Variants in XRCC4 observed in about 807,000 individuals in gnomAD.
XRCC4 encodes DNA repair protein XRCC4.
In XRCC4, 28 loss-of-function variants were observed where a neutral mutation model predicts 39.1. The ratio of observed to expected loss-of-function variants is 0.72; its 90% confidence interval spans 0.53 to 0.98. The LOEUF (loss-of-function observed/expected upper bound fraction) is 0.98. XRCC4 is among the 50% of genes least tolerant of loss of function. XRCC4 has a pLI of 0.00. For synonymous variants in XRCC4, 123 were observed against 126.4 expected (o/e 0.97, Z 0.18); for missense variants, 350 against 376.4 (o/e 0.93, Z 0.58).
chr5:83,135,223 C>T (rs1210677754), intron 3 of XRCC4, among the ~76,000 whole-genome samples: 1 of 152,130 alleles, frequency 6.6e-6, no homozygotes, highest in African/African-American at 2.4e-5. Flanking sequence ...GTGGGCTGCA[C>T]CCACTGTCTC....
At chr5:83,129,546 A>C (rs1285685623) in intron 3 of XRCC4, among the ~76,000 whole-genome samples, 1 of 151,984 alleles carries the variant, frequency 6.6e-6, no homozygotes, top group Non-Finnish European at 1.5e-5. Flanking sequence ...GATGGCATTG[A>C]ATCTATAAAT....
chr5:83,077,777 T>A (rs1375324157), intron 1 of XRCC4, 162 bp downstream of exon 1: 1 of 166,432 alleles, frequency 6.0e-6, no homozygotes, highest in Non-Finnish European at 1.3e-5. Flanking sequence ...GACTTCCTCT[T>A]GTGGGCTTTT....
In XRCC4 at chr5:83,300,134, A is replaced by G. The variant is rs1323815413; in HGVS notation, c.893+41457A>G. On this transcript the variant is annotated intron_variant, in intron 7 of 7. Transcript: ENST00000396027. Reference sequence around the variant, plus strand: ...AATTATATTAATTTGGGCTGCAAACATATCCAAGTGATTTGCAAACATACT... The same window carrying G: ...AATTATATTAATTTGGGCTGCAAACGTATCCAAGTGATTTGCAAACATACT... Among the ~76,000 whole-genome samples, 4 of 152,328 alleles carry G rather than the reference A, an allele frequency of 2.6e-5. No individual in the cohort carries two copies. The South Asian group carries it at 8.3e-4, about 32-fold the overall frequency.
chr5:83,299,367 A>G (rs938220267), intron 7 of XRCC4, among the ~76,000 whole-genome samples: 1 of 152,080 alleles, frequency 6.6e-6, no homozygotes, highest in Non-Finnish European at 1.5e-5. Context: ...GACATGATAC[A>G]ACAAAATGTA....
chr5:83,106,876 C>T (rs749622180), intron 2 of XRCC4, among the ~76,000 whole-genome samples: 24 of 151,546 alleles, frequency 1.6e-4, no homozygotes, highest in Middle Eastern at 3.2e-3. Flanking sequence ...AACTGGTCTG[C>T]GAAAAAAGAA....
chr5:83,336,989 T>G (rs1314507933), intron 7 of XRCC4, among the ~76,000 whole-genome samples: 2 of 152,212 alleles, frequency 1.3e-5, no homozygotes, highest in Non-Finnish European at 2.9e-5. Context: ...AAATTTCATT[T>G]CTGAGCCAAA....
At chr5:83,113,137 C>G (rs1453742148) in intron 3 of XRCC4, among the ~76,000 whole-genome samples, 1 of 152,212 alleles carries the variant, frequency 6.6e-6, no homozygotes, top group African/African-American at 2.4e-5. Context: ...AATGAGGGTA[C>G]AGGCATTGGG....
Position 83,187,009 on chromosome 5 carries a change from C to T in XRCC4, c.316-8761C>T, listed in dbSNP as rs559242886. 7.0e-3 allele frequency among the ~76,000 whole-genome samples: 311 copies of T among 44,406 alleles called. 76 individuals are homozygous for T. The highest frequency in any genetic ancestry group is 1.0e-2 in the Non-Finnish European group (198 of 19,830). The allele number at this position is 44,406 out of a possible 152,430, so 29.1% of individuals were successfully genotyped here. A position where few individuals can be genotyped will look rare whatever the true frequency, so the allele number is the denominator to read the frequency against. On this transcript the variant is annotated intron_variant, in intron 3 of 7. Coordinates refer to ENST00000396027, the MANE Select transcript of XRCC4 (RefSeq NM_003401.5). ...CCCAGGCTGGAGTGCAGTGGCGCGA[C>T]CTCGGCTCACTGCAAGCTCCGCCTC...
At chr5:83,085,995 A>C (rs1745163750) in intron 1 of XRCC4, among the ~76,000 whole-genome samples, 1 of 152,252 alleles carries the variant, frequency 6.6e-6, no homozygotes, top group Non-Finnish European at 1.5e-5. Flanking sequence ...GCGGACTTCT[A>C]GAAGAAGTTT....
intron 3 of XRCC4, among the ~76,000 whole-genome samples, chr5:83,163,235 C>T (rs780185019): frequency 9.9e-5 from 15 of 152,144 alleles, no homozygotes; most frequent in Non-Finnish European, 1.9e-4. Flanking sequence ...GTGTGAGCCA[C>T]TGCGCCTGGC....
chr5:83,152,524 T>G (rs1197343269), intron 3 of XRCC4, among the ~76,000 whole-genome samples: 4 of 150,824 alleles, frequency 2.7e-5, no homozygotes, highest in African/African-American at 7.3e-5. Flanking sequence ...TCCCAGCTAC[T>G]CAGGAGGCTG....
chr5:83,261,783 T>C (rs1306595972), intron 7 of XRCC4, among the ~76,000 whole-genome samples: 2 of 152,048 alleles, frequency 1.3e-5, no homozygotes, highest in Non-Finnish European at 2.9e-5. Context: ...ATGAATATGA[T>C]TTAGCAATAA....
At chr5:83,358,002 A>T (rs536523833), downstream of XRCC4, among the ~76,000 whole-genome samples, 2 of 152,184 alleles carry the variant, frequency 1.3e-5, no homozygotes, top group Non-Finnish European at 2.9e-5. Context: ...ATTCATTTCA[A>T]TGATTTTGTG....
chr5:83,086,307 C>T (rs1745177729), intron 1 of XRCC4, among the ~76,000 whole-genome samples: 1 of 152,162 alleles, frequency 6.6e-6, no homozygotes, highest in Admixed American at 6.6e-5. Flanking sequence ...ACTTTTGGCT[C>T]CTTCAAAACT....
intron 7 of XRCC4, among the ~76,000 whole-genome samples, chr5:83,268,909 A>G (rs888006200): frequency 1.3e-5 from 2 of 152,200 alleles, no homozygotes; most frequent in Non-Finnish European, 2.9e-5. Flanking sequence ...ATGGACCTAT[A>G]TATCCCATTT....
At chr5:83,250,932 G>A (rs1363147453) in intron 6 of XRCC4, among the ~76,000 whole-genome samples, 1 of 152,102 alleles carries the variant, frequency 6.6e-6, no homozygotes, top group African/African-American at 2.4e-5. Context: ...GCCTACCTTT[G>A]GACTATTAAA....
intron 6 of XRCC4, among the ~76,000 whole-genome samples, chr5:83,224,789 G>T (rs764325094): frequency 6.6e-6 from 1 of 152,028 alleles, no homozygotes; most frequent in Non-Finnish European, 1.5e-5. Flanking sequence ...TTCAGATATA[G>T]CACTCTTCAG....
intron 7 of XRCC4, among the ~76,000 whole-genome samples, chr5:83,302,637 C>T (rs1309862552): frequency 1.3e-5 from 2 of 152,128 alleles, no homozygotes; most frequent in African/African-American, 4.8e-5. Flanking sequence ...TCTTATTCGG[C>T]CATCTTGCCT....
chr5:83,195,983 A>T (rs28360138), intron 4 of XRCC4, 47 bp downstream of exon 4: 1 of 1,507,712 alleles, frequency 6.6e-7, no homozygotes, highest in Non-Finnish European at 8.9e-7. Flanking sequence ...AGCCCTCTTT[A>T]TGTTGTTATA....
Sources: gnomAD v4.1 joint callset for allele counts (sites outside exome capture counted in the v4.1 genomes callset) on GRCh38, gnomAD v4.1.1 for gene constraint, MANE v1.5 for transcripts, NCBI Gene and HGNC (gene_info 2026-07-23, HGNC 2026-07-21) for gene names.